HERC6: variants seen among roughly 807,000 people sequenced by gnomAD.
The protein encoded by HERC6 is HECT and RLD domain containing E3 ubiquitin protein ligase family member 6.
In HERC6, 101 loss-of-function variants were observed where a neutral mutation model predicts 114.5. The observed-to-expected ratio is 0.88, with a 90% CI of 0.75 to 1.04. The LOEUF is 1.04. HERC6 is among the 50% of genes least tolerant of loss of function. HERC6 has a pLI of 0.00. For synonymous variants in HERC6, 408 were observed against 436.2 expected (o/e 0.94, Z 0.81); for missense variants, 1,133 against 1,230.9 (o/e 0.92, Z 1.19).
At chr4:88,442,184 T>A (rs1340195758) in intron 22 of HERC6, 50 bp from the exon 23 acceptor site, 11 of 1,298,734 alleles carry the variant, frequency 8.5e-6, no homozygotes, top group Non-Finnish European at 1.2e-5. Context: ...CTTTTCATTA[T>A]GTTTTACTCT....
Position 88,396,072 on chromosome 4 carries a change from A to C in HERC6, c.817A>C (p.Thr273Pro). The C allele has an allele frequency of 1.2e-6, 2 of 1,608,758 alleles. No individual in the cohort carries two copies. The highest frequency in any genetic ancestry group is 1.7e-6 in the Non-Finnish European group (2 of 1,177,418). Reference sequence around the variant, plus strand: ...CTCTGGACAGCTGGGATACAGCCCCACTCCTGAGAAGAGAGGTCCACAACT... The same window carrying C: ...CTCTGGACAGCTGGGATACAGCCCCCCTCCTGAGAAGAGAGGTCCACAACT... ...NRSGQLGYSP[T>P]PEKRGPQLVE... Residue 273 changes from threonine to proline, a missense_variant, in exon 6 of 23, where the codon ACT becomes CCT. By Grantham distance (38) the Thr-to-Pro change is conservative. Transcript: ENST00000264346.
intron 2 of HERC6, among the ~76,000 whole-genome samples, chr4:88,384,952 G>A: frequency 6.6e-6 from 1 of 152,098 alleles, no homozygotes; most frequent in East Asian, 1.9e-4. Flanking sequence ...GAACCCGGGA[G>A]GAGGAGGTTA....
chr4:88,414,300 G>A (rs953557018), intron 12 of HERC6, among the ~76,000 whole-genome samples: 5 of 135,074 alleles, frequency 3.7e-5, no homozygotes, highest in South Asian at 2.5e-4. Context: ...GTGAGACCCC[G>A]ACTCTACCAA....
intron 4 of HERC6, among the ~76,000 whole-genome samples, chr4:88,392,032 T>G (rs1220610649): frequency 1.0e-4 from 3 of 30,106 alleles, no homozygotes; most frequent in Middle Eastern, 0.026. Context: ...TCCCCTCCCC[T>G]TCTCTCCCTC....
intron 1 of HERC6, among the ~76,000 whole-genome samples, chr4:88,381,364 T>C (rs1407674935): frequency 6.6e-6 from 1 of 152,136 alleles, no homozygotes; most frequent in Non-Finnish European, 1.5e-5. Context: ...ACTCAAGTGC[T>C]TCGACTTAGG....
chr4:88,412,982 G>A (rs1736204526), intron 11 of HERC6, 95 bp from the exon 12 acceptor site: 2 of 841,626 alleles, frequency 2.4e-6, no homozygotes, highest in Admixed American at 2.5e-5. Context: ...ATTGGAACAT[G>A]GTGGAGTGAA....
chr4:88,392,304 C>A (rs540951128), intron 4 of HERC6, among the ~76,000 whole-genome samples: 9 of 150,536 alleles, frequency 6.0e-5, no homozygotes, highest in Non-Finnish European at 1.3e-4. Context: ...CACCACCACA[C>A]CCAGCTAATT....
intron 13 of HERC6, among the ~76,000 whole-genome samples, chr4:88,422,928 A>AT (rs1560561195): frequency 6.6e-6 from 1 of 151,420 alleles, no homozygotes; most frequent in African/African-American, 2.4e-5. Context: ...GAGATTTTCT[A>AT]TTTTTTTCTT....
At chr4:88,416,439 T>C (rs901039266) in intron 12 of HERC6, among the ~76,000 whole-genome samples, 2 of 152,134 alleles carry the variant, frequency 1.3e-5, no homozygotes, top group East Asian at 3.8e-4. Context: ...ATTTAGGCTA[T>C]TAAAAATTTT....
intron 19 of HERC6, 37 bp from the exon 20 acceptor site, chr4:88,437,674 C>T: frequency 7.5e-7 from 1 of 1,340,296 alleles, no homozygotes; most frequent in Non-Finnish European, 1.1e-6. Flanking sequence ...TTCAAACTTA[C>T]TTTGATATTT....
At chr4:88,435,962 C>A in intron 18 of HERC6, 71 bp downstream of exon 18, 1 of 1,143,584 alleles carries the variant, frequency 8.7e-7, no homozygotes, top group Non-Finnish European at 1.2e-6. Context: ...AATAATCTTA[C>A]ACACAGAGAG....
chr4:88,428,754 C>G lies in HERC6; in HGVS notation c.2106+4C>G. 1 of 1,520,896 alleles carries G rather than the reference C, an allele frequency of 6.6e-7. No homozygotes were observed. The highest frequency in any genetic ancestry group is 8.8e-7 in the Non-Finnish European group (1 of 1,137,956). 94.2% of individuals were successfully genotyped at this position (1,520,896 alleles called of 1,614,324 possible). A position where few individuals can be genotyped will look rare whatever the true frequency, so the allele number is the denominator to read the frequency against. On this transcript the variant is annotated splice_donor_region_variant and intron_variant, in intron 16 of 22. Coordinates refer to ENST00000264346, the MANE Select transcript of HERC6 (RefSeq NM_017912.4). Reference sequence around the variant, plus strand: ...TGACTTCTGCAAAGTATTAGTGGTACAGTAAAAAGTCTCATTGAACATTTT... The same window carrying G: ...TGACTTCTGCAAAGTATTAGTGGTAGAGTAAAAAGTCTCATTGAACATTTT...
At chr4:88,381,573 T>C (rs79952737) in intron 1 of HERC6, among the ~76,000 whole-genome samples, 1 of 149,732 alleles carries the variant, frequency 6.7e-6, no homozygotes, top group Non-Finnish European at 1.5e-5. Flanking sequence ...TTTTTTTTTT[T>C]TTTGAGATGG....
At chr4:88,431,408 C>T (rs1239461968) in intron 17 of HERC6, 103 bp downstream of exon 17, 4 of 1,276,392 alleles carry the variant, frequency 3.1e-6, no homozygotes, top group Non-Finnish European at 3.2e-6. Flanking sequence ...TCATATAGAG[C>T]TTTGCTACTC....
intron 12 of HERC6, among the ~76,000 whole-genome samples, chr4:88,417,205 G>C (rs1411924016): frequency 1.3e-5 from 2 of 152,084 alleles, no homozygotes; most frequent in Non-Finnish European, 2.9e-5. Context: ...TCCTGAATTT[G>C]AGCTTTTCAA....
Position 88,385,541 on chromosome 4 carries a change from C to T in HERC6, c.402C>T (p.Ser134=). 1 of 1,504,730 alleles carries T rather than the reference C, an allele frequency of 6.6e-7. No individual in the cohort carries two copies. Among genetic ancestry groups the T allele is most frequent in the Non-Finnish European group, 8.9e-7 (1 of 1,119,648 alleles). The allele number at this position is 1,504,730 out of a possible 1,614,324, so 93.2% of individuals were successfully genotyped here. ...ATGATATAAAAATAATACAAGTTTC[C>T]TGTGGACACTACCACTCCCTGGCAT... is the stretch of plus-strand genomic sequence containing the variant. ...TLNDIKIIQV[S]CGHYHSLALS... Residue 134 remains serine (S), a synonymous_variant, in exon 3 of 23, where the codon TCC becomes TCT. Transcript: ENST00000264346.
chr4:88,423,816 C>T (rs1248558890), intron 13 of HERC6, 44 bp from the exon 14 acceptor site: 2 of 858,938 alleles, frequency 2.3e-6, no homozygotes, highest in Non-Finnish European at 3.6e-6. Context: ...GATTAAATCA[C>T]TTATTGATAG....
At chr4:88,390,177 CA>C (rs1156777502) in intron 3 of HERC6, among the ~76,000 whole-genome samples, 3,403 of 48,546 alleles carry the variant, frequency 0.07, 31 homozygotes, top group South Asian at 0.15. Flanking sequence ...AACTCTGTAT[CA>C]AAAAAAAAAA....
intron 5 of HERC6, among the ~76,000 whole-genome samples, chr4:88,393,966 T>C (rs1414266815): frequency 6.6e-6 from 1 of 152,196 alleles, no homozygotes; most frequent in Admixed American, 6.5e-5. Context: ...TCTCCTAATA[T>C]CATGGCATTG....
Sources: allele counts gnomAD v4.1 joint callset (sites outside exome capture counted in the v4.1 genomes callset), GRCh38; gene constraint gnomAD v4.1.1; transcripts MANE v1.5; gene names NCBI Gene and HGNC (gene_info 2026-07-23, HGNC 2026-07-21).